The following MYO9B variants were observed in gnomAD, a reference collection of about 807,000 sequenced individuals.
MYO9B encodes myosin IXB.
Under a neutral mutation model 229.5 loss-of-function variants are expected in MYO9B, and 71 were observed. The ratio of observed to expected loss-of-function variants is 0.31; its 90% CI spans 0.26 to 0.38. The LOEUF (loss-of-function observed/expected upper bound fraction) is 0.38, where lower values mean the gene tolerates loss of function less well. Ranked by LOEUF, MYO9B falls within the 10% of genes least tolerant of loss-of-function variation. The probability of loss-of-function intolerance (pLI) is 1.00; values close to 1 mark genes in which losing one functional copy is unlikely to be tolerated. For synonymous variants in MYO9B, 1,185 were observed against 1,235.8 expected (o/e 0.96, Z 0.86); for missense variants, 2,255 against 2,920.5 (o/e 0.77, Z 5.25).
rs377415639 is a variant in MYO9B, at chr19:17,194,879, G to A, written c.3452G>A (p.Arg1151His). 53 of 1,613,198 alleles carry A rather than the reference G, an allele frequency of 3.3e-5. No homozygotes were observed. Among genetic ancestry groups the A allele is most frequent in the South Asian group, 6.6e-5 (6 of 91,086 alleles). Residue 1151 changes from arginine (R) to histidine (H), a missense_variant, in exon 22 of 40, where the codon CGT (arginine) becomes CAT (histidine). By Grantham distance (29) the Arg-to-His change is conservative. Coordinates refer to ENST00000682292, the MANE Select transcript of MYO9B (RefSeq NM_004145.4). ...VPSSREKRES[R>H]RQRGLEHVKF... ...AGCAGCCGGGAGAAGCGTGAGTCGC[G>A]TCGGCAAAGAGGGCTGGAGCACGTC... is the stretch of plus-strand genomic sequence containing the variant.
chr19:17,200,893 G>A (rs778728985), intron 26 of MYO9B, 64 bp downstream of exon 26: 16 of 1,550,660 alleles, frequency 1.0e-5, no homozygotes, highest in Non-Finnish European at 1.4e-5. Context: ...ATCACAGCCA[G>A]GCATTGTTTT....
chr19:17,166,665 T>G (rs962052472), intron 10 of MYO9B, among the ~76,000 whole-genome samples: 5 of 152,218 alleles, frequency 3.3e-5, no homozygotes, highest in Non-Finnish European at 5.9e-5. Context: ...CCCTCCACCC[T>G]CCAATAGGCC....
At chr19:17,104,599 A>T (rs948538372) in intron 2 of MYO9B, among the ~76,000 whole-genome samples, 1 of 151,748 alleles carries the variant, frequency 6.6e-6, no homozygotes, top group Non-Finnish European at 1.5e-5. Context: ...TTTTTATTTT[A>T]TTTTTTGTAG....
chr19:17,167,796 A>T, intron 10 of MYO9B, 147 bp from the exon 11 acceptor site: 1 of 1,071,736 alleles, frequency 9.3e-7, no homozygotes, highest in Non-Finnish European at 1.3e-6. Flanking sequence ...AGTTAATTTT[A>T]AGCCACGCAT....
chr19:17,114,669 C>T (rs575782880), intron 2 of MYO9B, among the ~76,000 whole-genome samples: 6 of 152,222 alleles, frequency 3.9e-5, no homozygotes, highest in Middle Eastern at 3.4e-3. Context: ...AGAGGTTTGC[C>T]GGTTTTCTGA....
intron 2 of MYO9B, among the ~76,000 whole-genome samples, chr19:17,125,933 G>A (rs1336366339): frequency 1.3e-5 from 2 of 152,184 alleles, no homozygotes; most frequent in Non-Finnish European, 2.9e-5. Flanking sequence ...CACATCCGCA[G>A]GCCAACTGAG....
At chr19:17,183,389 T>G (rs2072882396) in intron 15 of MYO9B, among the ~76,000 whole-genome samples, 1 of 152,126 alleles carries the variant, frequency 6.6e-6, no homozygotes, top group Non-Finnish European at 1.5e-5. Flanking sequence ...GACAGCCTGG[T>G]CACCTGGTCA....
chr19:17,105,830 G>A (rs2145050051), intron 2 of MYO9B, among the ~76,000 whole-genome samples: 1 of 152,258 alleles, frequency 6.6e-6, no homozygotes. Flanking sequence ...CTTAGCCCTG[G>A]TCCGACATAT....
rs1229412537 is a variant in MYO9B at position 17,212,103 on chromosome 19, G to A, written c.6267G>A (p.Glu2089=). ...HLPRWAPGAR[E]AAAPVRRREP... The stretch of plus-strand genomic sequence containing the variant: ...CTCGCTGGGCACCGGGTGCCCGGGA[G>A]GCGGCTGCCCCAGTGCGGCGCCGGG... The change falls in exon 40 of 40, where the codon GAG becomes GAA. Residue 2089 remains glutamate, a synonymous_variant. Transcript: ENST00000682292. The surrounding 1 kb of genome is among the most constrained non-coding windows in gnomAD (Gnocchi z 5.4). 6.3e-7 allele frequency: 1 copy of A among 1,589,936 alleles called. No individual in the cohort carries two copies. The highest frequency in any genetic ancestry group is 8.5e-7 in the Non-Finnish European group (1 of 1,170,658).
At chr19:17,126,911 ACCCCCACCCCCAC>A (rs1253734474) in intron 2 of MYO9B, among the ~76,000 whole-genome samples, 617 of 31,824 alleles carry the variant, frequency 0.019, 1 homozygote, top group Non-Finnish European at 0.034. Flanking sequence ...ATCCACCCCC[ACCCCCACCCCCAC>A]CCCCCACCCC....
At chr19:17,092,641 C>T (rs1462325431) in intron 1 of MYO9B, among the ~76,000 whole-genome samples, 1 of 150,602 alleles carries the variant, frequency 6.6e-6, no homozygotes, top group Non-Finnish European at 1.5e-5. Context: ...ACGAGAATCT[C>T]TTGAACCCAG....
chr19:17,105,540 G>A (rs900298780), intron 2 of MYO9B, among the ~76,000 whole-genome samples: 2 of 152,090 alleles, frequency 1.3e-5, no homozygotes, highest in East Asian at 3.9e-4. Context: ...TTCGTGGCTT[G>A]AGAGCTCATT....
At chr19:17,191,241 G>A in intron 20 of MYO9B, 22 bp downstream of exon 20, 1 of 1,607,256 alleles carries the variant, frequency 6.2e-7, no homozygotes, top group Non-Finnish European at 8.5e-7. Flanking sequence ...TGCCCCTCGG[G>A]GCACTACAAA....
At chr19:17,084,436 AC>A (rs2057562772) in intron 1 of MYO9B, among the ~76,000 whole-genome samples, 1 of 151,968 alleles carries the variant, frequency 6.6e-6, no homozygotes, top group South Asian at 2.1e-4. Flanking sequence ...AGGGTCTCTC[AC>A]CCTCAGCACT....
chr19:17,091,606 G>A (rs1246314159), intron 1 of MYO9B, among the ~76,000 whole-genome samples: 2 of 152,186 alleles, frequency 1.3e-5, no homozygotes, highest in Non-Finnish European at 2.9e-5. Flanking sequence ...GGTCAGCCCA[G>A]AGCTGTGGGT....
chr19:17,209,551 A>G, intron 35 of MYO9B, 35 bp from the exon 36 acceptor site: 1 of 1,560,930 alleles, frequency 6.4e-7, no homozygotes, highest in Non-Finnish European at 8.7e-7. Flanking sequence ...CGGGGCGGTA[A>G]CTGAGTCACT....
rs373728358 is a variant in MYO9B at position 17,194,861 on chromosome 19, G to A, written c.3434G>A (p.Arg1145Gln). 144 of 1,613,172 alleles carry A rather than the reference G, an allele frequency of 8.9e-5. No homozygotes were observed. Among genetic ancestry groups the A allele is most frequent in the Middle Eastern group, 1.6e-4 (1 of 6,084 alleles). ...AGTCACGAGAAAGTCCCCAGCAGCC[G>A]GGAGAAGCGTGAGTCGCGTCGGCAA... ...AESHEKVPSS[R>Q]EKRESRRQRG... Residue 1145 changes from arginine to glutamine, a missense_variant, in exon 22 of 40, where the codon CGG becomes CAG. Coordinates refer to ENST00000682292, the MANE Select transcript of MYO9B (RefSeq NM_004145.4).
intron 23 of MYO9B, 25 bp downstream of exon 23, chr19:17,197,883 G>A (rs554376266): frequency 2.9e-5 from 46 of 1,611,114 alleles, no homozygotes; most frequent in African/African-American, 2.1e-4. Context: ...GCAAAACCCC[G>A]TCTCCACTAA....
Position 17,194,172 on chromosome 19 carries a change from AAAAATAAAAT to A in MYO9B, c.3129-364_3129-355del, listed in dbSNP as rs59395007. The stretch of plus-strand genomic sequence containing the variant: ...GGACAACAGAGCGAGACTCTGTCTC[AAAAATAAAAT>A]AAAATAAAATAAAATAAAAGCAAAA... On this transcript the variant is annotated intron_variant, in intron 21 of 39. Transcript: ENST00000682292. 6.7e-5 allele frequency among the ~76,000 whole-genome samples: 10 copies of A among 148,528 alleles called. No homozygotes were observed. In the East Asian group the frequency reaches 1.0e-3, roughly 15 times the overall value.
Sources: allele counts gnomAD v4.1 joint callset (sites outside exome capture counted in the v4.1 genomes callset), GRCh38; gene constraint gnomAD v4.1.1; non-coding constraint Gnocchi (gnomAD v3.1); transcripts MANE v1.5; gene names NCBI Gene and HGNC (gene_info 2026-07-23, HGNC 2026-07-21).